CSRNP3: variants seen among roughly 807,000 people sequenced by gnomAD.
CSRNP3 encodes cysteine and serine rich nuclear protein 3, also known as cysteine/serine-rich nuclear protein 3.
In CSRNP3, 12 loss-of-function variants were observed where a neutral mutation model predicts 48.0. That is an observed-to-expected ratio of 0.25 (90% CI 0.16 to 0.41). CSRNP3 has a LOEUF of 0.41. Ranked by LOEUF, CSRNP3 falls within the 10% of genes least tolerant of loss-of-function variation. CSRNP3 has a pLI of 1.00. For missense variants in CSRNP3, 580 were observed against 724.4 expected (o/e 0.80, Z 2.29); for synonymous variants, 263 against 269.7 (o/e 0.98, Z 0.24).
intron 3 of CSRNP3, among the ~76,000 whole-genome samples, chr2:165,527,199 C>CTTTTTTTTTTT (rs535826285): frequency 3.4e-5 from 3 of 87,296 alleles, no homozygotes; most frequent in African/African-American, 9.1e-5. Flanking sequence ...GCTGTTTGTA[C>CTTTTTTTTTTT]TTTTTTTTTT....
At chr2:165,632,956 A>G (rs1189730410) in intron 4 of CSRNP3, among the ~76,000 whole-genome samples, 3 of 152,204 alleles carry the variant, frequency 2.0e-5, no homozygotes, top group Non-Finnish European at 4.4e-5. Flanking sequence ...TGTGAAAAAT[A>G]TTATCTTCCT....
chr2:165,485,962 C>G (rs1684107033), intron 1 of CSRNP3, among the ~76,000 whole-genome samples: 1 of 152,138 alleles, frequency 6.6e-6, no homozygotes, highest in South Asian at 2.1e-4. Context: ...CGAATAGGAA[C>G]AGCTCTGGTC....
chr2:165,570,237 A>G (rs955008855), intron 3 of CSRNP3, among the ~76,000 whole-genome samples: 20 of 151,968 alleles, frequency 1.3e-4, no homozygotes, highest in Non-Finnish European at 4.4e-5. Context: ...GATTCATTCT[A>G]TCTCTTTCTA....
At chr2:165,638,424 G>C (rs1473494527) in intron 4 of CSRNP3, among the ~76,000 whole-genome samples, 6 of 151,544 alleles carry the variant, frequency 4.0e-5, no homozygotes, top group African/African-American at 1.5e-4. Flanking sequence ...TCGTGCCATT[G>C]CACTCCAGCC....
At chr2:165,602,094 A>C (rs529101216) in intron 4 of CSRNP3, among the ~76,000 whole-genome samples, 1 of 152,250 alleles carries the variant, frequency 6.6e-6, no homozygotes, top group Non-Finnish European at 1.5e-5. Flanking sequence ...CATATGTCGC[A>C]ATCTACCCTG....
chr2:165,529,257 A>C (rs1013337816), intron 3 of CSRNP3, among the ~76,000 whole-genome samples: 4 of 152,148 alleles, frequency 2.6e-5, no homozygotes, highest in African/African-American at 7.2e-5. Context: ...GGGCGAAATG[A>C]TGTGGTTTGG....
In CSRNP3 at chr2:165,679,198, C is replaced by G; in HGVS notation, c.1203C>G (p.Ala401=). 6.2e-7 allele frequency: 1 copy of G among 1,613,852 alleles called. No individual in the cohort carries two copies. Among genetic ancestry groups the G allele is most frequent in the Non-Finnish European group, 8.5e-7 (1 of 1,179,974 alleles). Residue 401 remains alanine, a synonymous_variant, in exon 7 of 7, where the codon GCC becomes GCG. Transcript: ENST00000651982. ...TCGTGGAAGGTTTGGGCACCCATGC[C>G]GAAGTTGTCCCTCTTCCTTCAGTTC... The part of the protein sequence containing the change: ...DGFVEGLGTH[A]EVVPLPSVLC...
Position 165,679,623 on chromosome 2 carries a change from T to C in CSRNP3, c.1628T>C (p.Phe543Ser). The C allele has an allele frequency of 6.2e-7, 1 of 1,614,152 alleles. No homozygotes were observed. Among genetic ancestry groups the C allele is most frequent in the Non-Finnish European group, 8.5e-7 (1 of 1,180,018 alleles). The change falls in exon 7 of 7, where the codon TTT becomes TCT. Residue 543 changes from phenylalanine to serine, a missense_variant. Phe to Ser is a radical substitution (Grantham distance 155). Coordinates refer to ENST00000651982, the MANE Select transcript of CSRNP3 (RefSeq NM_001172173.2). ...SYLKGPSQEG[F>S]VSALNGDSHI... is the part of the protein sequence containing the mutation. The stretch of plus-strand genomic sequence containing the variant: ...TTGAAAGGCCCCTCCCAAGAAGGGT[T>C]TGTCTCTGCATTGAATGGTGACAGT...
chr2:165,507,545 A>G (rs1056985771), intron 2 of CSRNP3, among the ~76,000 whole-genome samples: 1 of 152,196 alleles, frequency 6.6e-6, no homozygotes, highest in Non-Finnish European at 1.5e-5. Context: ...ATTTATACAA[A>G]GAGACTTCTG....
At chr2:165,569,596 A>G (rs554059715) in intron 3 of CSRNP3, among the ~76,000 whole-genome samples, 1 of 152,186 alleles carries the variant, frequency 6.6e-6, no homozygotes, top group African/African-American at 2.4e-5. Flanking sequence ...AGTAAATTAA[A>G]ACATCCTTTT....
chr2:165,611,390 C>T (rs1330772321), intron 4 of CSRNP3, among the ~76,000 whole-genome samples: 1 of 111,542 alleles, frequency 9.0e-6, no homozygotes, highest in Non-Finnish European at 2.1e-5. Context: ...TATATACATA[C>T]ATATATATAT....
chr2:165,636,950 A>G (rs1686638161), intron 4 of CSRNP3, among the ~76,000 whole-genome samples: 1 of 152,202 alleles, frequency 6.6e-6, no homozygotes, highest in Non-Finnish European at 1.5e-5. Flanking sequence ...GACAACCAGC[A>G]TTCCTATTCA....
intron 2 of CSRNP3, among the ~76,000 whole-genome samples, chr2:165,502,193 A>G (rs980150915): frequency 6.6e-5 from 10 of 152,004 alleles, no homozygotes; most frequent in African/African-American, 2.4e-4. Flanking sequence ...AATCAACAAA[A>G]ACAGCTGAAC....
intron 1 of CSRNP3, among the ~76,000 whole-genome samples, chr2:165,492,200 C>T (rs1443596201): frequency 1.3e-5 from 2 of 152,130 alleles, no homozygotes; most frequent in African/African-American, 4.8e-5. Flanking sequence ...CCCATCACTT[C>T]TACCTTCTTT....
chr2:165,643,937 G>A (rs1291945142), intron 4 of CSRNP3, among the ~76,000 whole-genome samples: 1 of 152,160 alleles, frequency 6.6e-6, no homozygotes, highest in Non-Finnish European at 1.5e-5. Flanking sequence ...TAAGTACTAA[G>A]AGGCAGAATC....
At chr2:165,550,966 A>G (rs1465335915) in intron 3 of CSRNP3, among the ~76,000 whole-genome samples, 1 of 152,108 alleles carries the variant, frequency 6.6e-6, no homozygotes, top group African/African-American at 2.4e-5. Flanking sequence ...CCCCTTCCAA[A>G]GAAGACTTAC....
intron 4 of CSRNP3, among the ~76,000 whole-genome samples, chr2:165,656,624 A>G (rs1465413568): frequency 6.6e-6 from 1 of 152,238 alleles, no homozygotes; most frequent in Non-Finnish European, 1.5e-5. Flanking sequence ...CTTGCATTAG[A>G]ATCCCATTGT....
At chr2:165,530,022 G>T (rs953814829) in intron 3 of CSRNP3, among the ~76,000 whole-genome samples, 3 of 152,164 alleles carry the variant, frequency 2.0e-5, no homozygotes, top group Non-Finnish European at 4.4e-5. Context: ...CATGAGGAAT[G>T]CAGTTTTAAC....
chr2:165,485,513 A>T (rs1247843764), intron 1 of CSRNP3, among the ~76,000 whole-genome samples: 1 of 152,200 alleles, frequency 6.6e-6, no homozygotes, highest in Non-Finnish European at 1.5e-5. Flanking sequence ...CTCTAACCAA[A>T]TAAAGGTTAC....
Sources: gnomAD v4.1 joint callset for allele counts (sites outside exome capture counted in the v4.1 genomes callset) on GRCh38, gnomAD v4.1.1 for gene constraint, MANE v1.5 for transcripts, NCBI Gene and HGNC (gene_info 2026-07-23, HGNC 2026-07-21) for gene names.